CSMD1: variants seen among roughly 807,000 people sequenced by gnomAD.
CSMD1 encodes CUB and Sushi multiple domains 1.
A neutral mutation model predicts 417.5 loss-of-function variants in CSMD1; 213 were observed. The ratio of observed to expected loss-of-function variants is 0.51; its 90% CI spans 0.46 to 0.57. The LOEUF (loss-of-function observed/expected upper bound fraction) is 0.57, where lower values mean the gene tolerates loss of function less well. Ranked by LOEUF, CSMD1 falls within the 20% of genes least tolerant of loss-of-function variation. The pLI is 0.00. For synonymous variants in CSMD1, 2,862 were observed against 1,736.8 expected, an observed-to-expected ratio of 1.65 and a Z score of -16.11; for missense variants, 6,923 against 4,529.7, an observed-to-expected ratio of 1.53 and a Z score of -15.17.
chr8:3,284,473 G>T, intron 25 of CSMD1, 127 bp from the exon 26 acceptor site: 1 of 678,254 alleles, frequency 1.5e-6, no homozygotes, highest in East Asian at 2.7e-5. Context: ...GGTACTTACT[G>T]TCTGACAATG....
At chr8:4,950,462 A>G (rs1808666255) in intron 1 of CSMD1, among the ~76,000 whole-genome samples, 1 of 152,168 alleles carries the variant, frequency 6.6e-6, no homozygotes, top group Non-Finnish European at 1.5e-5. Flanking sequence ...AAAGCAGAAC[A>G]CCTGCAAAAT....
chr8:4,047,172 G>A (rs1333186381), intron 3 of CSMD1, among the ~76,000 whole-genome samples: 1 of 152,162 alleles, frequency 6.6e-6, no homozygotes, highest in Non-Finnish European at 1.5e-5. Context: ...TGACCTATCT[G>A]ACCTGTGCTG....
intron 5 of CSMD1, among the ~76,000 whole-genome samples, chr8:3,955,494 C>G (rs977611862): frequency 6.6e-6 from 1 of 152,168 alleles, no homozygotes; most frequent in Non-Finnish European, 1.5e-5. Context: ...ATTCTCTCTA[C>G]TCATGTTTGA....
At chr8:4,359,578 T>G (rs73508619) in intron 3 of CSMD1, among the ~76,000 whole-genome samples, 13,816 of 152,244 alleles carry the variant, frequency 0.091, 1,769 homozygotes, top group African/African-American at 0.29. Context: ...CCTTGGAGAT[T>G]ACATGGTGTT....
intron 7 of CSMD1, among the ~76,000 whole-genome samples, chr8:3,652,073 A>G (rs1797884684): frequency 6.6e-6 from 1 of 151,216 alleles, no homozygotes; most frequent in African/African-American, 2.4e-5. Context: ...TACCCCCATC[A>G]GAGCGCTTAC....
chr8:4,687,140 G>C (rs913151187), intron 1 of CSMD1, among the ~76,000 whole-genome samples: 1 of 152,224 alleles, frequency 6.6e-6, no homozygotes, highest in Non-Finnish European at 1.5e-5. Context: ...CCATGGGCCA[G>C]GGAAGAGCAC....
chr8:4,484,250 G>A (rs547074038), intron 2 of CSMD1, among the ~76,000 whole-genome samples: 1 of 151,762 alleles, frequency 6.6e-6, no homozygotes, highest in South Asian at 2.1e-4. Context: ...AAATTCTATG[G>A]AAGGATTTTC....
chr8:4,532,557 T>A (rs1159313127), intron 2 of CSMD1, among the ~76,000 whole-genome samples: 1 of 116,602 alleles, frequency 8.6e-6, no homozygotes, highest in Admixed American at 9.7e-5. Flanking sequence ...AGAGTCACTC[T>A]GGAAGAGAAA....
chr8:4,448,859 G>A (rs1798968008), intron 2 of CSMD1, among the ~76,000 whole-genome samples: 1 of 152,120 alleles, frequency 6.6e-6, no homozygotes, highest in Non-Finnish European at 1.5e-5. Flanking sequence ...TTTCTGATGT[G>A]TATCCAATTC....
chr8:4,665,842 C>A lies in CSMD1; in HGVS notation c.86-28284G>T, dbSNP rs1237365026. Among the ~76,000 whole-genome samples, 3 of 152,190 alleles carry A rather than the reference C, an allele frequency of 2.0e-5. No homozygotes were observed. In the East Asian group the frequency reaches 5.8e-4, roughly 29 times the overall value. ...ATTTATGTAAAAGTCTTCCTGTAGACATGTTTTCATTTATCTTGAGTAATT... is the reference window on the plus strand; with the variant it reads ...ATTTATGTAAAAGTCTTCCTGTAGAAATGTTTTCATTTATCTTGAGTAATT... On this transcript the variant is annotated intron_variant, in intron 1 of 69. Coordinates refer to ENST00000635120, the MANE Select transcript of CSMD1 (RefSeq NM_033225.6).
intron 2 of CSMD1, among the ~76,000 whole-genome samples, chr8:4,601,837 A>G (rs548882328): frequency 4.7e-4 from 71 of 152,316 alleles, no homozygotes; most frequent in African/African-American, 1.7e-3. Flanking sequence ...GTTAGCGTGC[A>G]TCTTTCACCC....
At chr8:4,903,687 G>A (rs1805049629) in intron 1 of CSMD1, among the ~76,000 whole-genome samples, 1 of 152,258 alleles carries the variant, frequency 6.6e-6, no homozygotes, top group African/African-American at 2.4e-5. Context: ...TATACCAAAG[G>A]TTGTAATAAG....
intron 3 of CSMD1, among the ~76,000 whole-genome samples, chr8:4,164,606 G>C (rs1156933134): frequency 1.3e-5 from 2 of 152,072 alleles, no homozygotes; most frequent in African/African-American, 4.8e-5. Context: ...AATTTATTTA[G>C]GTACCTTATT....
chr8:4,470,664 C>G (rs934054328), intron 2 of CSMD1, among the ~76,000 whole-genome samples: 1 of 152,038 alleles, frequency 6.6e-6, no homozygotes, highest in Non-Finnish European at 1.5e-5. Flanking sequence ...TTCTAAACGG[C>G]CATTAGTGCT....
At chr8:3,301,003 G>T (rs1266259589) in intron 25 of CSMD1, among the ~76,000 whole-genome samples, 3 of 148,898 alleles carry the variant, frequency 2.0e-5, no homozygotes, top group Non-Finnish European at 4.5e-5. Context: ...ATTAGAAATG[G>T]TATAAACAAG....
intron 10 of CSMD1, among the ~76,000 whole-genome samples, chr8:3,571,047 G>T (rs999192813): frequency 2.6e-5 from 4 of 152,114 alleles, no homozygotes; most frequent in Middle Eastern, 3.2e-3. Flanking sequence ...GGAAACTGTG[G>T]GTATTCCACT....
intron 3 of CSMD1, among the ~76,000 whole-genome samples, chr8:4,066,071 G>A (rs1342515197): frequency 6.6e-6 from 1 of 152,202 alleles, no homozygotes; most frequent in African/African-American, 2.4e-5. Context: ...GGAATAGGTG[G>A]CTCATTTACA....
At position 4,876,468 on chromosome 8, in the gene CSMD1, T is replaced by A. The variant is rs78889529; in HGVS notation, c.85+117864A>T. ...ACATACTAAGAACAATTTTAAAAAT[T>A]GTACACTTAGTTATTGGAATTAGAT... On this transcript the variant is annotated intron_variant, in intron 1 of 69. Transcript: ENST00000635120. Among the ~76,000 whole-genome samples, 785 of 152,230 alleles carry A rather than the reference T, an allele frequency of 5.2e-3. 2 individuals are homozygous for A. The highest frequency in any genetic ancestry group is 0.02 in the Middle Eastern group (6 of 294).
chr8:3,437,254 T>C (rs1386710904), intron 12 of CSMD1, among the ~76,000 whole-genome samples: 1 of 152,186 alleles, frequency 6.6e-6, no homozygotes, highest in Admixed American at 6.5e-5. Flanking sequence ...ATACCACCAT[T>C]CACTGAAGAC....
Sources: allele counts gnomAD v4.1 joint callset (sites outside exome capture counted in the v4.1 genomes callset), GRCh38; gene constraint gnomAD v4.1.1; transcripts MANE v1.5; gene names NCBI Gene and HGNC (gene_info 2026-07-23, HGNC 2026-07-21).